VPS13B: variants seen among roughly 807,000 people sequenced by gnomAD.
VPS13B encodes the protein intermembrane lipid transfer protein VPS13B.
Under a neutral mutation model 426.4 loss-of-function variants are expected in VPS13B, and 285 were observed. That is an observed-to-expected ratio of 0.67 (90% CI 0.61 to 0.74). The LOEUF (loss-of-function observed/expected upper bound fraction) is 0.74. VPS13B is among the 30% of genes least tolerant of loss of function. The pLI is 0.00. For missense variants in VPS13B, 4,537 were observed against 4,782.6 expected, an observed-to-expected ratio of 0.95 and a Z score of 1.51; for synonymous variants, 1,676 against 1,676.4, an observed-to-expected ratio of 1.00 and a Z score of 0.01.
chr8:99,117,310 A>T (rs1847708434), intron 7 of VPS13B, among the ~76,000 whole-genome samples: 2 of 152,212 alleles, frequency 1.3e-5, no homozygotes, highest in Admixed American at 1.3e-4. Context: ...ATTGGTGAGG[A>T]TGTGGAGAAA....
chr8:99,089,210 T>C (rs2132406844), intron 3 of VPS13B, among the ~76,000 whole-genome samples: 1 of 152,282 alleles, frequency 6.6e-6, no homozygotes, highest in South Asian at 2.1e-4. Flanking sequence ...TAGAGTCGAT[T>C]AGGAGGATTG....
chr8:99,673,854 A>C (rs569769614), intron 35 of VPS13B, among the ~76,000 whole-genome samples: 1 of 152,122 alleles, frequency 6.6e-6, no homozygotes, highest in South Asian at 2.1e-4. Flanking sequence ...TAATTTCTTC[A>C]TTGATTCATT....
intron 35 of VPS13B, among the ~76,000 whole-genome samples, chr8:99,678,722 A>G (rs201694330): frequency 2.0e-5 from 3 of 152,264 alleles, no homozygotes; most frequent in East Asian, 3.9e-4. Context: ...TAATATTCTA[A>G]TTCTAGCATT....
In VPS13B at chr8:99,452,637, TTCCTGG is replaced by T. The variant is rs1245541988; in HGVS notation, c.3445+10005_3445+10010del. 5.3e-5 allele frequency among the ~76,000 whole-genome samples: 8 copies of T among 152,272 alleles called. No homozygotes were observed. In the East Asian group the frequency reaches 1.2e-3, roughly 22 times the overall value. ...AGATCCATAAACAATTGAAAAATAA[TTCCTGG>T]TCTTTACGAAATGAAAAAAAGGGGG... On this transcript the variant is annotated intron_variant, in intron 23 of 61. Transcript: ENST00000357162.
intron 43 of VPS13B, chr8:99,804,030 C>A (rs1813267334): frequency 1.3e-5 from 2 of 152,176 alleles, no homozygotes; most frequent in African/African-American, 2.4e-5. Flanking sequence ...TAAGACAAAT[C>A]TGTGTTGAAA....
In VPS13B at chr8:99,159,874, G is replaced by T. The variant is rs142626340; in HGVS notation, c.2208+3131G>T. Among the ~76,000 whole-genome samples, 11 of 152,184 alleles carry T rather than the reference G, an allele frequency of 7.2e-5. No individual in the cohort carries two copies. In the East Asian group the frequency reaches 2.1e-3, roughly 29 times the overall value. ...GGGTTTTGCCATGTTGCCCAGGCTG[G>T]TCTCGAATTCCTGAGCTCAAGCTAT... On this transcript the variant is annotated intron_variant, in intron 15 of 61. Coordinates refer to ENST00000357162, the MANE Select transcript of VPS13B (RefSeq NM_152564.5).
At chr8:99,318,033 A>G (rs2133119757) in intron 19 of VPS13B, among the ~76,000 whole-genome samples, 1 of 152,334 alleles carries the variant, frequency 6.6e-6, no homozygotes, top group Admixed American at 6.5e-5. Flanking sequence ...TTTACTGTTA[A>G]CATTTAAAAC....
chr8:99,602,671 C>T (rs1291401323), intron 33 of VPS13B, among the ~76,000 whole-genome samples: 1 of 152,178 alleles, frequency 6.6e-6, no homozygotes, highest in African/African-American at 2.4e-5. Flanking sequence ...AGCTGATAAG[C>T]AACTTCAGCA....
intron 31 of VPS13B, among the ~76,000 whole-genome samples, chr8:99,566,642 C>T (rs1825207120): frequency 6.6e-6 from 1 of 152,140 alleles, no homozygotes; most frequent in African/African-American, 2.4e-5. Flanking sequence ...GGGGTTCCAC[C>T]ATGTTGGCCA....
At chr8:99,356,455 C>T (rs545445327) in intron 19 of VPS13B, among the ~76,000 whole-genome samples, 199 of 152,118 alleles carry the variant, frequency 1.3e-3, no homozygotes, top group Non-Finnish European at 2.4e-3. Context: ...CAAGACCAGC[C>T]TGGACAACAT....
intron 33 of VPS13B, among the ~76,000 whole-genome samples, chr8:99,621,185 A>T (rs1828334224): frequency 6.6e-6 from 1 of 152,132 alleles, no homozygotes; most frequent in Non-Finnish European, 1.5e-5. Flanking sequence ...ACTTACTAAG[A>T]TTTAACAGGA....
chr8:99,546,838 A>T (rs537189000), intron 30 of VPS13B, among the ~76,000 whole-genome samples: 1 of 152,162 alleles, frequency 6.6e-6, no homozygotes, highest in South Asian at 2.1e-4. Context: ...CTTTGTTAGA[A>T]TTGTTATTAA....
chr8:99,089,921 A>G (rs538445192), intron 3 of VPS13B, among the ~76,000 whole-genome samples: 1 of 152,238 alleles, frequency 6.6e-6, no homozygotes, highest in South Asian at 2.1e-4. Context: ...GTGATGCAAT[A>G]CTAGAGTCAG....
intron 29 of VPS13B, among the ~76,000 whole-genome samples, chr8:99,519,512 T>C (rs185523663): frequency 1.4e-4 from 21 of 152,286 alleles, no homozygotes; most frequent in Admixed American, 9.2e-4. Context: ...TGTATGTTTG[T>C]TGCGGCACTA....
chr8:99,311,150 G>T lies in VPS13B; in HGVS notation c.2824+35896G>T, dbSNP rs192785187. Among the ~76,000 whole-genome samples the T allele has an allele frequency of 1.8e-3, 267 of 152,014 alleles. 2 individuals are homozygous for T. Among genetic ancestry groups the T allele is most frequent in the African/African-American group, 6.1e-3 (255 of 41,518 alleles). On this transcript the variant is annotated intron_variant, in intron 19 of 61. Coordinates refer to ENST00000357162, the MANE Select transcript of VPS13B (RefSeq NM_152564.5). The stretch of plus-strand genomic sequence containing the variant: ...TGGATTCGTTGATTTTTTGAAGGGT[G>T]TTTTGTGTCTCTATTTCCTTCAGTT...
chr8:99,233,801 T>A, intron 17 of VPS13B: 1 of 778,730 alleles, frequency 1.3e-6, no homozygotes. Flanking sequence ...CAAGCCATTG[T>A]GGGCCACGAT....
intron 3 of VPS13B, among the ~76,000 whole-genome samples, chr8:99,071,168 G>A (rs1844831523): frequency 6.6e-6 from 1 of 152,002 alleles, no homozygotes; most frequent in Non-Finnish European, 1.5e-5. Flanking sequence ...TTGGTTTTTG[G>A]GCATTGAAGA....
intron 15 of VPS13B, 144 bp from the exon 16 acceptor site, chr8:99,169,895 G>GT: frequency 2.1e-6 from 2 of 949,994 alleles, no homozygotes; most frequent in Non-Finnish European, 3.3e-6. Context: ...AGAAGAAAAT[G>GT]TTGATCGTTT....
chr8:99,336,487 T>C (rs999887039), intron 19 of VPS13B, among the ~76,000 whole-genome samples: 1 of 152,014 alleles, frequency 6.6e-6, no homozygotes, highest in African/African-American at 2.4e-5. Context: ...CCAAAAGCAA[T>C]GGCAACAAAA....
Sources: gnomAD v4.1 joint callset for allele counts (sites outside exome capture counted in the v4.1 genomes callset) on GRCh38, gnomAD v4.1.1 for gene constraint, MANE v1.5 for transcripts, NCBI Gene and HGNC (gene_info 2026-07-23, HGNC 2026-07-21) for gene names.